XKR9: variants seen among roughly 807,000 people sequenced by gnomAD.
XKR9 encodes the protein XK related 9.
Under a neutral mutation model 32.0 loss-of-function variants are expected in XKR9, and 32 were observed. The ratio of observed to expected loss-of-function variants is 1.00; its 90% CI spans 0.76 to 1.34. The LOEUF (loss-of-function observed/expected upper bound fraction) is 1.34, where lower values mean the gene tolerates loss of function less well. Ranked by LOEUF, XKR9 falls within the 40% of genes most tolerant of loss-of-function variation. The pLI is 0.00. For missense variants in XKR9, 546 were observed against 429.7 expected (o/e 1.27, Z -2.39); for synonymous variants, 168 against 143.4 (o/e 1.17, Z -1.22).
At chr8:70,829,499 AG>A in the XKR9 span, among the ~76,000 whole-genome samples, 14 of 152,276 alleles carry the variant, frequency 9.2e-5, no homozygotes, top group African/African-American at 3.4e-4. Context: ...CCCAGGCTGG[AG>A]TGCAGTGGTG....
chr8:70,920,774 A>C, the XKR9 span, among the ~76,000 whole-genome samples: 1 of 152,148 alleles, frequency 6.6e-6, no homozygotes, highest in African/African-American at 2.4e-5. Context: ...TTAATTTTGA[A>C]AATAAAAAGT....
intron 4 of XKR9, among the ~76,000 whole-genome samples, chr8:70,723,570 C>A (rs1378435367): frequency 6.6e-6 from 1 of 152,124 alleles, no homozygotes; most frequent in Non-Finnish European, 1.5e-5. Flanking sequence ...CAGTCAGGCC[C>A]CTCTTCTTCA....
chr8:70,908,278 T>G, the XKR9 span, among the ~76,000 whole-genome samples: 1 of 152,218 alleles, frequency 6.6e-6, no homozygotes, highest in Non-Finnish European at 1.5e-5. Context: ...ATTTTATATT[T>G]TATAATTACA....
intron 2 of XKR9, among the ~76,000 whole-genome samples, chr8:70,776,850 A>G (rs1046472888): frequency 6.6e-6 from 1 of 151,136 alleles, no homozygotes; most frequent in Non-Finnish European, 1.5e-5. Flanking sequence ...GAGGGCAGGA[A>G]TCATCTGTCT....
At chr8:71,047,840 A>G in the XKR9 span, among the ~76,000 whole-genome samples, 1 of 152,134 alleles carries the variant, frequency 6.6e-6, no homozygotes, top group Non-Finnish European at 1.5e-5. Flanking sequence ...GCGGAAATCT[A>G]CTCATTTGTA....
At chr8:70,701,603 G>A (rs529571465) in intron 3 of XKR9, among the ~76,000 whole-genome samples, 5 of 152,212 alleles carry the variant, frequency 3.3e-5, no homozygotes, top group South Asian at 4.1e-4. Flanking sequence ...GCAAAAATTA[G>A]AACAGTTCAT....
chr8:70,862,103 G>T, the XKR9 span, among the ~76,000 whole-genome samples: 1 of 152,272 alleles, frequency 6.6e-6, no homozygotes, highest in South Asian at 2.1e-4. Flanking sequence ...TGTCTGGATG[G>T]CTGAGAAGCA....
chr8:70,712,438 T>G (rs1003079637), intron 4 of XKR9, among the ~76,000 whole-genome samples: 5 of 152,076 alleles, frequency 3.3e-5, no homozygotes, highest in Non-Finnish European at 7.4e-5. Context: ...ATTTCAAGTT[T>G]GATGACTTTT....
chr8:70,973,383 C>T, the XKR9 span, among the ~76,000 whole-genome samples: 1 of 152,038 alleles, frequency 6.6e-6, no homozygotes, highest in Non-Finnish European at 1.5e-5. Context: ...AGTGCTCTAT[C>T]AATTTTATTT....
chr8:71,002,481 T>C, the XKR9 span, among the ~76,000 whole-genome samples: 1 of 152,000 alleles, frequency 6.6e-6, no homozygotes, highest in African/African-American at 2.4e-5. Context: ...CAATTCTGTT[T>C]ATTGTATCTT....
chr8:70,957,031 C>A, the XKR9 span, among the ~76,000 whole-genome samples: 16 of 152,174 alleles, frequency 1.1e-4, no homozygotes, highest in Non-Finnish European at 2.1e-4. Context: ...AGTGTGCAGC[C>A]CCAGCTGCAC....
intron 3 of XKR9, among the ~76,000 whole-genome samples, chr8:70,702,430 CAGTT>C (rs1333309755): frequency 2.0e-5 from 3 of 152,206 alleles, no homozygotes; most frequent in South Asian, 4.1e-4. Context: ...CTATAAATGT[CAGTT>C]AGGTCAATTA....
chr8:70,983,116 A>G, the XKR9 span, among the ~76,000 whole-genome samples: 52 of 152,314 alleles, frequency 3.4e-4, no homozygotes, highest in African/African-American at 1.2e-3. Context: ...TCAGTAAACT[A>G]TGAGAGAATT....
the XKR9 span, among the ~76,000 whole-genome samples, chr8:71,047,781 G>A: frequency 6.6e-6 from 1 of 152,176 alleles, no homozygotes; most frequent in Non-Finnish European, 1.5e-5. Flanking sequence ...CTCAATAAAT[G>A]TGTGCGAGTG....
At chr8:70,739,411 C>T (rs1286497915), downstream of XKR9, among the ~76,000 whole-genome samples, 1 of 152,196 alleles carries the variant, frequency 6.6e-6, no homozygotes, top group Non-Finnish European at 1.5e-5. Context: ...TGGGTCTTGA[C>T]TCTTTATCCA....
chr8:70,905,853 ACT>A, the XKR9 span, among the ~76,000 whole-genome samples: 1 of 152,062 alleles, frequency 6.6e-6, no homozygotes, highest in East Asian at 1.9e-4. Context: ...AACAGTCAAG[ACT>A]CTCAGCTGCA....
At chr8:70,777,689 G>C (rs1807551715) in intron 2 of XKR9, among the ~76,000 whole-genome samples, 1 of 152,116 alleles carries the variant, frequency 6.6e-6, no homozygotes, top group Admixed American at 6.6e-5. Context: ...GTTTTGACTT[G>C]CATTTCTCTA....
At chr8:70,950,091 G>A in the XKR9 span, among the ~76,000 whole-genome samples, 1 of 152,194 alleles carries the variant, frequency 6.6e-6, no homozygotes, top group Non-Finnish European at 1.5e-5. Flanking sequence ...GCTGAGTTGA[G>A]TCCTAACTTC....
chr8:71,050,940 C>T, the XKR9 span, among the ~76,000 whole-genome samples: 1 of 151,996 alleles, frequency 6.6e-6, no homozygotes, highest in Non-Finnish European at 1.5e-5. Context: ...ACATGTACTT[C>T]TCAAGCATTT....
Sources: allele counts gnomAD v4.1 joint callset (sites outside exome capture counted in the v4.1 genomes callset), GRCh38; gene constraint gnomAD v4.1.1; transcripts MANE v1.5; gene names NCBI Gene and HGNC (gene_info 2026-07-23, HGNC 2026-07-21).